The following ADK variants were observed in gnomAD, a reference collection of about 807,000 sequenced individuals.
The protein encoded by ADK is N6,N6-dimethyladenosine kinase.
Under a neutral mutation model 44.7 loss-of-function variants are expected in ADK, and 24 were observed. The ratio of observed to expected loss-of-function variants is 0.54; its 90% confidence interval spans 0.39 to 0.76. The LOEUF (loss-of-function observed/expected upper bound fraction) is 0.76, where lower values mean the gene tolerates loss of function less well. Among genes scored for constraint, ADK ranks in the 30% least tolerant of loss-of-function variants. The pLI, the probability that ADK is intolerant of heterozygous loss-of-function variation, is 0.00. For synonymous variants in ADK, 128 were observed against 142.6 expected (o/e 0.90, Z 0.73); for missense variants, 321 against 425.1 (o/e 0.76, Z 2.15).
At chr10:74,320,663 A>G (rs1402839769) in intron 4 of ADK, among the ~76,000 whole-genome samples, 1 of 152,162 alleles carries the variant, frequency 6.6e-6, no homozygotes, top group Admixed American at 6.5e-5. Flanking sequence ...ATTAAATAAG[A>G]TAGAAAAAAA....
intron 3 of ADK, among the ~76,000 whole-genome samples, chr10:74,298,517 C>T (rs1303990565): frequency 6.6e-6 from 1 of 152,058 alleles, no homozygotes; most frequent in African/African-American, 2.4e-5. Flanking sequence ...TTTTGGGAGT[C>T]TGAAGCAAGA....
At chr10:74,505,142 T>G (rs1047041561) in intron 6 of ADK, among the ~76,000 whole-genome samples, 2 of 152,154 alleles carry the variant, frequency 1.3e-5, no homozygotes, top group African/African-American at 4.8e-5. Flanking sequence ...GCATACTCAG[T>G]GTAACTTTAC....
At chr10:74,579,819 A>G (rs1851317114) in intron 7 of ADK, among the ~76,000 whole-genome samples, 2 of 152,216 alleles carry the variant, frequency 1.3e-5, no homozygotes, top group Non-Finnish European at 2.9e-5. Flanking sequence ...AGGGACAGGG[A>G]TAAAGCCACT....
At chr10:74,377,433 A>G (rs185296702) in intron 4 of ADK, among the ~76,000 whole-genome samples, 15 of 152,330 alleles carry the variant, frequency 9.8e-5, no homozygotes, top group Non-Finnish European at 1.8e-4. Context: ...GGTTACATGT[A>G]TGTATGATAA....
intron 3 of ADK, among the ~76,000 whole-genome samples, chr10:74,239,521 G>A (rs796567383): frequency 1.4e-4 from 21 of 151,854 alleles, no homozygotes; most frequent in African/African-American, 4.8e-4. Flanking sequence ...GACCAAACTC[G>A]GCAACATAGT....
chr10:74,334,657 C>T (rs1472037275), intron 4 of ADK, among the ~76,000 whole-genome samples: 1 of 152,098 alleles, frequency 6.6e-6, no homozygotes, highest in Non-Finnish European at 1.5e-5. Flanking sequence ...ATAGTTTTGC[C>T]TTTTCCGGTG....
At chr10:74,400,451 C>T (rs949884300) in intron 6 of ADK, among the ~76,000 whole-genome samples, 2 of 152,152 alleles carry the variant, frequency 1.3e-5, no homozygotes, top group African/African-American at 2.4e-5. Context: ...GAGCATAATT[C>T]GTATTTATTG....
At chr10:74,521,114 A>G (rs1265533608) in intron 6 of ADK, among the ~76,000 whole-genome samples, 7 of 152,162 alleles carry the variant, frequency 4.6e-5, no homozygotes, top group African/African-American at 7.2e-5. Context: ...GTGGCCCAGC[A>G]AAGGTTATAA....
intron 6 of ADK, among the ~76,000 whole-genome samples, chr10:74,399,741 T>C (rs1247500490): frequency 1.3e-5 from 2 of 152,018 alleles, no homozygotes; most frequent in East Asian, 3.8e-4. Flanking sequence ...TTTCAAACCA[T>C]CTTACACTTG....
At chr10:74,312,299 TG>T (rs1229061658) in intron 3 of ADK, among the ~76,000 whole-genome samples, 1 of 151,240 alleles carries the variant, frequency 6.6e-6, no homozygotes, top group African/African-American at 2.5e-5. Flanking sequence ...ATAGAGTGTG[TG>T]TGTGTGTATG....
intron 7 of ADK, among the ~76,000 whole-genome samples, chr10:74,585,475 A>G (rs1346036892): frequency 6.6e-6 from 1 of 152,234 alleles, no homozygotes; most frequent in Non-Finnish European, 1.5e-5. Context: ...AATGGAAAAA[A>G]AGCGTTAATG....
intron 3 of ADK, among the ~76,000 whole-genome samples, chr10:74,272,654 TTG>T: frequency 6.6e-6 from 1 of 152,276 alleles, no homozygotes; most frequent in South Asian, 2.1e-4. Context: ...AATAGTGATA[TTG>T]TATTGCTCCT....
chr10:74,616,262 T>A (rs1277522403), intron 9 of ADK, among the ~76,000 whole-genome samples: 1 of 152,236 alleles, frequency 6.6e-6, no homozygotes, highest in Non-Finnish European at 1.5e-5. Flanking sequence ...TGATTAATGC[T>A]TCTTATATTC....
chr10:74,371,783 C>T, intron 4 of ADK: 1 of 1,309,176 alleles, frequency 7.6e-7, no homozygotes, highest in South Asian at 1.2e-5. Context: ...GGAATATTGG[C>T]CAAAGGGCTG....
At chr10:74,242,053 T>A (rs994899764) in intron 3 of ADK, among the ~76,000 whole-genome samples, 12 of 152,242 alleles carry the variant, frequency 7.9e-5, no homozygotes, top group African/African-American at 2.7e-4. Flanking sequence ...TTTCTGTTGC[T>A]TTAAAGCCTT....
intron 7 of ADK, among the ~76,000 whole-genome samples, chr10:74,534,703 A>G (rs756730976): frequency 1.3e-5 from 2 of 152,228 alleles, no homozygotes; most frequent in Non-Finnish European, 2.9e-5. Context: ...TTTTAGGAGT[A>G]TTGATCATGT....
At chr10:74,253,825 G>T (rs1845733591) in intron 3 of ADK, among the ~76,000 whole-genome samples, 1 of 150,276 alleles carries the variant, frequency 6.7e-6, no homozygotes, top group Non-Finnish European at 1.5e-5. Context: ...GGAGTGCAGG[G>T]GTGTGATCTC....
intron 4 of ADK, chr10:74,371,408 C>A: frequency 1.7e-6 from 1 of 594,132 alleles, no homozygotes; most frequent in Middle Eastern, 4.5e-4. Context: ...ATATACCAAA[C>A]AAAAATCTTA....
chr10:74,425,429 C>T (rs572918194), intron 6 of ADK, among the ~76,000 whole-genome samples: 2 of 151,946 alleles, frequency 1.3e-5, no homozygotes, highest in South Asian at 4.2e-4. Flanking sequence ...AATTAGACTT[C>T]GTATCGTTAA....
Sources: gnomAD v4.1 joint callset for allele counts (sites outside exome capture counted in the v4.1 genomes callset) on GRCh38, gnomAD v4.1.1 for gene constraint, MANE v1.5 for transcripts, NCBI Gene and HGNC (gene_info 2026-07-23, HGNC 2026-07-21) for gene names.